ZFYVE28: variants seen among roughly 807,000 people sequenced by gnomAD.
ZFYVE28 encodes zinc finger FYVE-type containing 28.
Under a neutral mutation model 82.1 loss-of-function variants are expected in ZFYVE28, and 40 were observed. That is an observed-to-expected ratio of 0.49 (90% CI 0.38 to 0.63). The LOEUF (loss-of-function observed/expected upper bound fraction) is 0.63. ZFYVE28 is among the 30% of genes least tolerant of loss of function. The pLI is 0.00. For missense variants in ZFYVE28, 1,321 were observed against 1,242.1 expected (o/e 1.06, Z -0.96); for synonymous variants, 612 against 546.1 (o/e 1.12, Z -1.68).
chr4:2,327,268 AT>A lies in ZFYVE28; in HGVS notation c.702-6998del, dbSNP rs1228869310. ...CCATCTCAAATATATATATATATAT[AT>A]ATATATATATATATATATATATATA... is the stretch of plus-strand genomic sequence containing the variant. On this transcript the variant is annotated intron_variant, in intron 6 of 12. Transcript: ENST00000290974. Among the ~76,000 whole-genome samples the A allele has an allele frequency of 3.7e-3, 82 of 22,338 alleles. 1 individual carries two copies. The highest frequency in any genetic ancestry group is 0.015 in the African/African-American group (81 of 5,474). The allele number at this position is 22,338 out of a possible 152,430, so 14.7% of individuals were successfully genotyped here. A position where few individuals can be genotyped will look rare whatever the true frequency, so the allele number is the denominator to read the frequency against.
chr4:2,341,692 C>A lies in ZFYVE28; in HGVS notation c.181-77G>T, dbSNP rs1054487030. 2 of 1,556,402 alleles carry A rather than the reference C, an allele frequency of 1.3e-6. No individual in the cohort carries two copies. Among genetic ancestry groups the A allele is most frequent in the African/African-American group, 2.7e-5 (2 of 73,948 alleles). ...CCGCCATGTACTGCTGGAAAACACG[C>A]ACGGTGCATGTGACTGTTTTTTAGG... On this transcript the variant is annotated intron_variant, in intron 2 of 12. Transcript: ENST00000290974. The surrounding 1 kb of genome is among the most constrained non-coding windows in gnomAD (Gnocchi z 4.5).
At chr4:2,278,348 C>T (rs1182400458) in intron 8 of ZFYVE28, among the ~76,000 whole-genome samples, 1 of 151,782 alleles carries the variant, frequency 6.6e-6, no homozygotes, top group Non-Finnish European at 1.5e-5. Flanking sequence ...CCACACTGCC[C>T]GGCTAATTTT....
rs774880754 is a variant in ZFYVE28, at chr4:2,362,099, T to A, written c.40-8026A>T. ...AGACAGACCACCCCAGGCAGCCAGCTCCCTACCCCTACAGCCCCCACACTC... is the reference window on the plus strand; with the variant it reads ...AGACAGACCACCCCAGGCAGCCAGCACCCTACCCCTACAGCCCCCACACTC... On this transcript the variant is annotated intron_variant, in intron 1 of 12. Transcript: ENST00000290974. This position sits in a 1 kb window ranked among gnomAD's most constrained non-coding sequence, Gnocchi z 5.1. Among the ~76,000 whole-genome samples, 4 of 151,770 alleles carry A rather than the reference T, an allele frequency of 2.6e-5. No individual in the cohort carries two copies. The highest frequency in any genetic ancestry group is 5.9e-5 in the Non-Finnish European group (4 of 67,936).
chr4:2,337,897 C>T (rs996092888), intron 4 of ZFYVE28, among the ~76,000 whole-genome samples: 12 of 152,150 alleles, frequency 7.9e-5, no homozygotes, highest in African/African-American at 2.9e-4. Flanking sequence ...CACCCTACAC[C>T]ACCATCCCAT....
At chr4:2,330,410 G>T in intron 6 of ZFYVE28, 1 of 1,041,610 alleles carries the variant, frequency 9.6e-7, no homozygotes, top group Non-Finnish European at 1.2e-6. Flanking sequence ...CAGAGGAGAG[G>T]ACAGCACGGA....
rs1560269847 is a variant in ZFYVE28, at chr4:2,355,238, AT to A, written c.40-1166del. Among the ~76,000 whole-genome samples the A allele has an allele frequency of 6.1e-3, 157 of 25,832 alleles. 25 individuals are homozygous for A. The highest frequency in any genetic ancestry group is 0.02 in the Middle Eastern group (2 of 98). The allele number at this position is 25,832 out of a possible 152,430, so 16.9% of individuals were successfully genotyped here. On this transcript the variant is annotated intron_variant, in intron 1 of 12. Transcript: ENST00000290974. ...TATATATATATATATATATATATAT[AT>A]ATATATATATATATATATATATATA...
At chr4:2,274,344 G>T (rs964831955) in intron 8 of ZFYVE28, 128 bp from the exon 9 acceptor site, 2 of 1,201,134 alleles carry the variant, frequency 1.7e-6, no homozygotes, top group Non-Finnish European at 2.3e-6. Flanking sequence ...TGTATCTGTT[G>T]CCCAGATACA....
chr4:2,415,595 G>A (rs1313334700), intron 1 of ZFYVE28, among the ~76,000 whole-genome samples: 3 of 152,128 alleles, frequency 2.0e-5, no homozygotes, highest in Non-Finnish European at 4.4e-5. Context: ...AAAAATTCCT[G>A]ACTGCAGGCA....
In ZFYVE28 at chr4:2,320,799, C is replaced by G. The variant is rs939560504; in HGVS notation, c.702-528G>C. Among the ~76,000 whole-genome samples, 13 of 152,188 alleles carry G rather than the reference C, an allele frequency of 8.5e-5. No homozygotes were observed. The highest frequency in any genetic ancestry group is 1.6e-4 in the Non-Finnish European group (11 of 68,028). ...ACCAAAGCAGCCTCCCCTCATCCCC[C>G]ACACAGGACCCACCTCCCTTGTGGT... On this transcript the variant is annotated intron_variant, in intron 6 of 12. Transcript: ENST00000290974. The surrounding 1 kb of genome is among the most constrained non-coding windows in gnomAD (Gnocchi z 5.1).
intron 1 of ZFYVE28, among the ~76,000 whole-genome samples, chr4:2,393,771 G>C (rs142714800): frequency 6.6e-6 from 1 of 152,296 alleles, no homozygotes; most frequent in African/African-American, 2.4e-5. Context: ...CACACCTGCG[G>C]ATTGGGGGAC....
intron 1 of ZFYVE28, among the ~76,000 whole-genome samples, chr4:2,375,494 C>G (rs1452336522): frequency 6.6e-6 from 1 of 152,232 alleles, no homozygotes; most frequent in Non-Finnish European, 1.5e-5. Context: ...GAATCCACAC[C>G]CAGCCAGGTG....
chr4:2,318,851 G>A (rs1718626142), intron 7 of ZFYVE28: 4 of 152,388 alleles, frequency 2.6e-5, no homozygotes, highest in Admixed American at 2.6e-4. Context: ...ACCAGCCTGG[G>A]CCACATGGCG....
intron 1 of ZFYVE28, among the ~76,000 whole-genome samples, chr4:2,382,835 G>C (rs1449900663): frequency 6.6e-6 from 1 of 152,142 alleles, no homozygotes. Context: ...GTTCCATATG[G>C]CTGGGGAGGC....
chr4:2,341,385 G>A lies in ZFYVE28; in HGVS notation c.318+93C>T, dbSNP rs113931176. ...GCTCTTGGAGGAGACACCAGGTCCC[G>A]GCACCTGCAGGCGCCCATGCACAAG... On this transcript the variant is annotated intron_variant, in intron 3 of 12. Coordinates refer to ENST00000290974, the MANE Select transcript of ZFYVE28 (RefSeq NM_020972.3). This position sits in a 1 kb window ranked among gnomAD's most constrained non-coding sequence, Gnocchi z 4.5. 1.9e-5 allele frequency: 29 copies of A among 1,528,382 alleles called. No individual in the cohort carries two copies. The highest frequency in any genetic ancestry group is 8.2e-5 in the African/African-American group (6 of 72,848). 94.7% of individuals were successfully genotyped at this position (1,528,382 alleles called of 1,614,324 possible).
intron 1 of ZFYVE28, among the ~76,000 whole-genome samples, chr4:2,397,277 G>A (rs1391917651): frequency 6.6e-6 from 1 of 152,022 alleles, no homozygotes; most frequent in South Asian, 2.1e-4. Context: ...AGGAGTTCAA[G>A]ACCAGCCTGG....
intron 7 of ZFYVE28, among the ~76,000 whole-genome samples, chr4:2,316,823 G>C (rs1340910199): frequency 1.3e-5 from 2 of 151,810 alleles, no homozygotes; most frequent in African/African-American, 4.8e-5. Context: ...CTCCCAAATA[G>C]CTGGGACTAC....
chr4:2,332,787 ACTCAGCACTCACCCG>A lies in ZFYVE28; in HGVS notation c.701+2903_701+2917del, dbSNP rs576307635. 2.6e-5 allele frequency among the ~76,000 whole-genome samples: 4 copies of A among 151,892 alleles called. No individual in the cohort carries two copies. Among genetic ancestry groups the A allele is most frequent in the East Asian group, 3.9e-4 (2 of 5,160 alleles). On this transcript the variant is annotated intron_variant, in intron 6 of 12. Coordinates refer to ENST00000290974, the MANE Select transcript of ZFYVE28 (RefSeq NM_020972.3). The surrounding 1 kb of genome is among the most constrained non-coding windows in gnomAD (Gnocchi z 4.7). ...GGGGCGGCCTTAGGAACAGCTGCCC[ACTCAGCACTCACCCG>A]CTCAGCACTCACCCGCCCTGCTCGA...
At chr4:2,354,656 G>A (rs191165336) in intron 1 of ZFYVE28, among the ~76,000 whole-genome samples, 18 of 151,838 alleles carry the variant, frequency 1.2e-4, no homozygotes, top group African/African-American at 3.9e-4. Flanking sequence ...ACGGGGTTTC[G>A]CCATATTGGC....
intron 1 of ZFYVE28, among the ~76,000 whole-genome samples, chr4:2,358,036 C>T (rs556102596): frequency 9.2e-5 from 14 of 152,266 alleles, no homozygotes; most frequent in South Asian, 2.1e-4. Flanking sequence ...CACAAAGCCC[C>T]GGACCAAAGA....
Sources: allele counts gnomAD v4.1 joint callset (sites outside exome capture counted in the v4.1 genomes callset), GRCh38; gene constraint gnomAD v4.1.1; non-coding constraint Gnocchi (gnomAD v3.1); transcripts MANE v1.5; gene names NCBI Gene and HGNC (gene_info 2026-07-23, HGNC 2026-07-21).